Variants in SYT14 observed in about 807,000 individuals in gnomAD.
The protein encoded by SYT14 is synaptotagmin 14.
A neutral mutation model predicts 74.2 loss-of-function variants in SYT14; 32 were observed. The observed-to-expected ratio is 0.43, with a 90% confidence interval of 0.33 to 0.58. SYT14 has a LOEUF of 0.58. SYT14 is among the 20% of genes least tolerant of loss of function. The probability of loss-of-function intolerance (pLI) is 0.05; values close to 1 mark genes in which losing one functional copy is unlikely to be tolerated. For missense variants in SYT14, 791 were observed against 981.8 expected (o/e 0.81, Z 2.60); for synonymous variants, 298 against 337.7 (o/e 0.88, Z 1.29).
intron 2 of SYT14, among the ~76,000 whole-genome samples, chr1:209,979,268 T>C (rs1490936884): frequency 6.6e-6 from 1 of 152,170 alleles, no homozygotes; most frequent in Non-Finnish European, 1.5e-5. Context: ...CAGTTGGAAA[T>C]GCAGAAATCA....
intron 7 of SYT14, among the ~76,000 whole-genome samples, chr1:210,142,420 T>C (rs775701278): frequency 3.3e-5 from 5 of 152,194 alleles, no homozygotes; most frequent in Non-Finnish European, 5.9e-5. Flanking sequence ...CCAGTGTTCA[T>C]GTTGCTTTTA....
chr1:210,144,500 A>G (rs934948740), intron 7 of SYT14, among the ~76,000 whole-genome samples: 3 of 152,046 alleles, frequency 2.0e-5, no homozygotes, highest in Admixed American at 2.0e-4. Context: ...TTACGAGTAC[A>G]CTATATTGCC....
intron 5 of SYT14, among the ~76,000 whole-genome samples, chr1:210,073,080 T>C (rs954812776): frequency 6.6e-6 from 1 of 151,842 alleles, no homozygotes; most frequent in African/African-American, 2.4e-5. Context: ...CTATAGAAAC[T>C]AATTCTGGTG....
rs150706120 is a variant in SYT14 at position 210,080,474 on chromosome 1, C to T, written c.1313-13848C>T. 4.3e-3 allele frequency among the ~76,000 whole-genome samples: 655 copies of T among 152,182 alleles called. 3 individuals are homozygous for T. The highest frequency in any genetic ancestry group is 0.014 in the African/African-American group (600 of 41,514). On this transcript the variant is annotated intron_variant, in intron 5 of 9. Coordinates refer to ENST00000637265, the Ensembl canonical transcript of SYT14. ...CTTGATATCACGTACTCTTTATTTT[C>T]TTAATGTTACAACAGAAAATATAGT... is the stretch of plus-strand genomic sequence containing the variant.
chr1:209,979,187 C>T (rs183264842), intron 2 of SYT14, among the ~76,000 whole-genome samples: 59 of 152,290 alleles, frequency 3.9e-4, no homozygotes, highest in African/African-American at 1.1e-3. Context: ...CTTTGGCTCA[C>T]GCTGGGTGCA....
At chr1:210,169,221 GTTTTTTT>G (rs35974726) in exon 10 of SYT14, 2 of 50,240 alleles carry the variant, frequency 4.0e-5, no homozygotes, top group Non-Finnish European at 7.6e-5. Context: ...TGTTTTTGGT[GTTTTTTT>G]TTTTTTTTTT....
intron 1 of SYT14, among the ~76,000 whole-genome samples, chr1:209,950,870 A>G (rs2078900244): frequency 6.6e-6 from 1 of 152,218 alleles, no homozygotes; most frequent in Non-Finnish European, 1.5e-5. Flanking sequence ...GTAATTCACA[A>G]CATAATTATA....
chr1:210,045,454 T>G (rs186071508), intron 5 of SYT14, among the ~76,000 whole-genome samples: 85 of 152,320 alleles, frequency 5.6e-4, no homozygotes, highest in African/African-American at 1.7e-3. Flanking sequence ...ATATTCTTTT[T>G]TTGTTGTTGT....
chr1:210,151,924 C>G (rs1342026316), intron 7 of SYT14, among the ~76,000 whole-genome samples: 1 of 152,114 alleles, frequency 6.6e-6, no homozygotes, highest in Admixed American at 6.5e-5. Flanking sequence ...AGTATGACTT[C>G]TGTGTATAAA....
chr1:209,956,471 T>G (rs1028735277), intron 2 of SYT14, among the ~76,000 whole-genome samples: 4 of 151,612 alleles, frequency 2.6e-5, no homozygotes, highest in African/African-American at 9.7e-5. Flanking sequence ...GCAGGGAGTG[T>G]GGGGGAAAAA....
At chr1:210,162,863 G>T (rs1459059938) in exon 10 of SYT14, 2 of 453,340 alleles carry the variant, frequency 4.4e-6, no homozygotes, top group Admixed American at 2.4e-5. Context: ...GTTTGAGAAT[G>T]TGTGTTACAG....
In SYT14 at chr1:210,021,179, T is replaced by C. The variant is rs746405453; in HGVS notation, c.1237T>C (p.Trp413Arg). Residue 413 changes from tryptophan (W) to arginine (R), a missense_variant, in exon 5 of 10, where the codon TGG becomes CGG. Coordinates refer to ENST00000637265, the Ensembl canonical transcript of SYT14. ...AGATTCTAGACAAAGGAACTATGCT[T>C]GGGAAACAAGGCAGAAATACAGTCC... The C allele has an allele frequency of 1.9e-6, 3 of 1,613,958 alleles. No homozygotes were observed. The highest frequency in any genetic ancestry group is 1.3e-5 in the African/African-American group (1 of 75,000).
chr1:210,164,410 T>C (rs192696897), exon 10 of SYT14: 94 of 174,346 alleles, frequency 5.4e-4, no homozygotes, highest in South Asian at 1.2e-3. Flanking sequence ...TGTTAAATCA[T>C]TTGCTTGATA....
At chr1:210,052,492 G>A (rs1234599637) in intron 5 of SYT14, among the ~76,000 whole-genome samples, 4 of 151,614 alleles carry the variant, frequency 2.6e-5, no homozygotes, top group African/African-American at 7.3e-5. Context: ...GTGAAACCCC[G>A]TCTCTACTAA....
intron 2 of SYT14, among the ~76,000 whole-genome samples, chr1:209,969,318 A>G (rs191806004): frequency 6.6e-6 from 1 of 152,088 alleles, no homozygotes; most frequent in East Asian, 1.9e-4. Context: ...GAGAAATCTC[A>G]GAGTTGCTTT....
intron 2 of SYT14, chr1:209,953,295 G>T (rs1351020934): frequency 7.9e-7 from 1 of 1,261,974 alleles, no homozygotes; most frequent in South Asian, 1.2e-5. Context: ...AAGGAATCAG[G>T]TATTCTCTAG....
chr1:210,001,165 A>G (rs1212016334), intron 2 of SYT14, among the ~76,000 whole-genome samples: 1 of 152,124 alleles, frequency 6.6e-6, no homozygotes, highest in Non-Finnish European at 1.5e-5. Flanking sequence ...TTGAATTGTA[A>G]TATATTTTCA....
intron 5 of SYT14, among the ~76,000 whole-genome samples, chr1:210,064,715 A>G (rs2081266087): frequency 6.6e-6 from 1 of 152,058 alleles, no homozygotes; most frequent in South Asian, 2.1e-4. Flanking sequence ...GAATAATACT[A>G]CTATAAACAC....
intron 1 of SYT14, among the ~76,000 whole-genome samples, chr1:209,945,495 A>G (rs2078808318): frequency 6.6e-6 from 1 of 152,220 alleles, no homozygotes; most frequent in African/African-American, 2.4e-5. Flanking sequence ...TTTCATGCTT[A>G]CGATGTACAG....
Sources: allele counts gnomAD v4.1 joint callset (sites outside exome capture counted in the v4.1 genomes callset), GRCh38; gene constraint gnomAD v4.1.1; transcripts MANE v1.5; gene names NCBI Gene and HGNC (gene_info 2026-07-23, HGNC 2026-07-21).